The following HERC6 variants were observed in gnomAD, a reference collection of about 807,000 sequenced individuals.
The protein encoded by HERC6 is HECT and RLD domain containing E3 ubiquitin protein ligase family member 6, also known as probable E3 ubiquitin-protein ligase HERC6.
HERC6 carries 101 observed loss-of-function variants against 114.5 expected under a neutral mutation model. That is an observed-to-expected ratio of 0.88 (90% confidence interval 0.75 to 1.04). HERC6 has a LOEUF of 1.04. Ranked by LOEUF, HERC6 falls within the 50% of genes least tolerant of loss-of-function variation. The pLI, the probability that HERC6 is intolerant of heterozygous loss-of-function variation, is 0.00. For synonymous variants in HERC6, 408 were observed against 436.2 expected (o/e 0.94, Z 0.81); for missense variants, 1,133 against 1,230.9 (o/e 0.92, Z 1.19).
intron 1 of HERC6, among the ~76,000 whole-genome samples, chr4:88,380,839 A>G (rs919487139): frequency 6.6e-6 from 1 of 151,876 alleles, no homozygotes; most frequent in Non-Finnish European, 1.5e-5. Context: ...ATAACTCCTA[A>G]CATTTTGATG....
intron 3 of HERC6, among the ~76,000 whole-genome samples, chr4:88,389,889 A>G (rs1344046153): frequency 6.6e-6 from 1 of 152,148 alleles, no homozygotes; most frequent in Admixed American, 6.5e-5. Context: ...TGAGAAAGTC[A>G]AACTCAGCCA....
chr4:88,393,228 A>C (rs1014905370), intron 4 of HERC6, among the ~76,000 whole-genome samples: 6 of 152,108 alleles, frequency 3.9e-5, no homozygotes, highest in Admixed American at 2.0e-4. Flanking sequence ...TCTGTCTTAT[A>C]CTTCGGATTG....
chr4:88,430,254 T>G, intron 16 of HERC6, among the ~76,000 whole-genome samples: 1 of 152,036 alleles, frequency 6.6e-6, no homozygotes, highest in Non-Finnish European at 1.5e-5. Context: ...AAAACCAAGA[T>G]AGTACATAGC....
intron 8 of HERC6, among the ~76,000 whole-genome samples, chr4:88,400,737 A>G (rs1302181593): frequency 1.3e-5 from 2 of 152,172 alleles, no homozygotes; most frequent in Admixed American, 6.5e-5. Flanking sequence ...CCACGTTTAC[A>G]TATGTTTTAT....
At chr4:88,418,946 C>T (rs1291871090) in intron 13 of HERC6, among the ~76,000 whole-genome samples, 2 of 152,232 alleles carry the variant, frequency 1.3e-5, no homozygotes, top group African/African-American at 4.8e-5. Flanking sequence ...AGGCTGGTCT[C>T]GAACTCCTGA....
At chr4:88,416,998 T>C (rs1415422429) in intron 12 of HERC6, among the ~76,000 whole-genome samples, 2 of 152,184 alleles carry the variant, frequency 1.3e-5, no homozygotes, top group African/African-American at 4.8e-5. Context: ...GTACCAGATG[T>C]TCATAAAATC....
At chr4:88,405,451 A>G in intron 9 of HERC6, 103 bp from the exon 10 acceptor site, 1 of 547,784 alleles carries the variant, frequency 1.8e-6, no homozygotes, top group South Asian at 3.6e-5. Context: ...ATTTTCATTA[A>G]TAATTATTCC....
chr4:88,442,333 C>A lies in HERC6; in HGVS notation c.2942C>A (p.Thr981Lys). Residue 981 changes from threonine (T) to lysine (K), a missense_variant, in exon 23 of 23, where the codon ACA becomes AAA. Thr to Lys is a moderately conservative substitution (Grantham distance 78). Around this residue, in one of 3 missense-constraint regions of HERC6, gnomAD observed 388 missense variants for 445.9 expected, o/e 0.87. Coordinates refer to ENST00000264346, the MANE Select transcript of HERC6 (RefSeq NM_017912.4). ...ACTTTCAGTGAAAGAGATCACCCAA[C>A]ATCAATAACTTGTCATAATATTCTC... ...PETFSERDHPTSITCHNILSL... is the reference protein window; with the variant it reads ...PETFSERDHPKSITCHNILSL... 1 of 1,613,732 alleles carries A rather than the reference C, an allele frequency of 6.2e-7. No individual in the cohort carries two copies. Among genetic ancestry groups the A allele is most frequent in the South Asian group, 1.1e-5 (1 of 91,032 alleles).
intron 16 of HERC6, among the ~76,000 whole-genome samples, chr4:88,429,648 G>C (rs1011015442): frequency 6.6e-6 from 1 of 152,126 alleles, no homozygotes; most frequent in Non-Finnish European, 1.5e-5. Flanking sequence ...GGATTTTCTC[G>C]ATGTCAGCCA....
At chr4:88,404,461 T>C (rs1735712439) in intron 8 of HERC6, among the ~76,000 whole-genome samples, 1 of 152,202 alleles carries the variant, frequency 6.6e-6, no homozygotes, top group South Asian at 2.1e-4. Context: ...AGTGCTGGGA[T>C]TGCAGGCATG....
In HERC6 at chr4:88,430,495, A is replaced by G. The variant is rs376744558; in HGVS notation, c.2107-667A>G. Among the ~76,000 whole-genome samples the G allele has an allele frequency of 2.0e-5, 3 of 152,052 alleles. No individual in the cohort carries two copies. The East Asian group carries it at 5.8e-4, about 29-fold the overall frequency. On this transcript the variant is annotated intron_variant, in intron 16 of 22. Coordinates refer to ENST00000264346, the MANE Select transcript of HERC6 (RefSeq NM_017912.4). ...TGAGGCAGGAGAATGGCTTGAACCC[A>G]GGAGGTGGAGATTGCAGTAAGCTGA...
intron 11 of HERC6, among the ~76,000 whole-genome samples, chr4:88,412,283 G>A (rs1736149963): frequency 6.6e-6 from 1 of 152,122 alleles, no homozygotes; most frequent in Non-Finnish European, 1.5e-5. Flanking sequence ...ATTCCCACTA[G>A]TATGTTTTTA....
intron 22 of HERC6, among the ~76,000 whole-genome samples, chr4:88,442,026 C>A (rs1317894250): frequency 1.3e-5 from 2 of 152,134 alleles, no homozygotes; most frequent in East Asian, 3.9e-4. Flanking sequence ...TCTTTTCATG[C>A]ATATAATTTT....
At chr4:88,403,569 G>A (rs150900371) in intron 8 of HERC6, among the ~76,000 whole-genome samples, 4,459 of 151,972 alleles carry the variant, frequency 0.029, 217 homozygotes, top group African/African-American at 0.1. Context: ...CCTGGCTAAC[G>A]CGGTGAAACC....
rs531193054 is a variant in HERC6 at position 88,438,463 on chromosome 4, C to T, written c.2555+682C>T. Among the ~76,000 whole-genome samples, 4 of 152,146 alleles carry T rather than the reference C, an allele frequency of 2.6e-5. No individual in the cohort carries two copies. The South Asian group carries it at 6.2e-4, about 24-fold the overall frequency. ...CTTGCCATGCTGCCCAGGCTGGTCTCGAATTCCTGAGCTCAGGCAGTCCTC... is the reference window on the plus strand; with the variant it reads ...CTTGCCATGCTGCCCAGGCTGGTCTTGAATTCCTGAGCTCAGGCAGTCCTC... On this transcript the variant is annotated intron_variant, in intron 20 of 22. Transcript: ENST00000264346.
chr4:88,385,347 G>C (rs1734518640), intron 2 of HERC6, among the ~76,000 whole-genome samples, 152 bp from the exon 3 acceptor site: 1 of 152,024 alleles, frequency 6.6e-6, no homozygotes, highest in African/African-American at 2.4e-5. Context: ...ACAGTTTGAG[G>C]GCTTTGAAAT....
intron 1 of HERC6, among the ~76,000 whole-genome samples, chr4:88,381,554 CTTT>C (rs142058374): frequency 1.2e-3 from 115 of 95,832 alleles, no homozygotes; most frequent in Admixed American, 2.2e-3. Flanking sequence ...CCCTTCTCTT[CTTT>C]TTTTTTTTTT....
chr4:88,379,245 G>C, intron 1 of HERC6, 125 bp downstream of exon 1: 3 of 766,328 alleles, frequency 3.9e-6, no homozygotes, highest in Non-Finnish European at 6.0e-6. Flanking sequence ...GGGGGCCCAG[G>C]TGCAGGGAGC....
chr4:88,433,276 C>T (rs530003660), intron 17 of HERC6, among the ~76,000 whole-genome samples: 86 of 152,156 alleles, frequency 5.7e-4, no homozygotes, highest in South Asian at 1.9e-3. Flanking sequence ...AAAAAGTTTC[C>T]GATTTTAGAG....
Sources: gnomAD v4.1 joint callset for allele counts (sites outside exome capture counted in the v4.1 genomes callset) on GRCh38, gnomAD v4.1.1 for gene constraint, gnomAD v4.1.1 regional missense constraint, MANE v1.5 for transcripts, NCBI Gene and HGNC (gene_info 2026-07-23, HGNC 2026-07-21) for gene names.